The following STX12 variants were observed in gnomAD, a reference collection of about 807,000 sequenced individuals.
The protein encoded by STX12 is syntaxin 12.
STX12 carries 17 observed loss-of-function variants against 42.2 expected under a neutral mutation model. The ratio of observed to expected loss-of-function variants is 0.40; its 90% confidence interval spans 0.28 to 0.60. STX12 has a LOEUF of 0.60. STX12 is among the 20% of genes least tolerant of loss of function. The pLI, the probability that STX12 is intolerant of heterozygous loss-of-function variation, is 0.39. For missense variants in STX12, 297 were observed against 330.9 expected (o/e 0.90, Z 0.79); for synonymous variants, 108 against 116.7 (o/e 0.93, Z 0.48).
At chr1:27,782,427 T>C (rs1389541216) in intron 1 of STX12, among the ~76,000 whole-genome samples, 1 of 152,184 alleles carries the variant, frequency 6.6e-6, no homozygotes, top group Admixed American at 6.5e-5. Flanking sequence ...AGAGCTATGC[T>C]CTTAACCATT....
At chr1:27,780,739 C>G (rs1424958825) in intron 1 of STX12, among the ~76,000 whole-genome samples, 49 of 151,924 alleles carry the variant, frequency 3.2e-4, no homozygotes, top group African/African-American at 1.1e-3. Context: ...ATCTCTTGAG[C>G]TCAGAAATTT....
chr1:27,788,294 G>A (rs774412767), intron 1 of STX12, among the ~76,000 whole-genome samples: 1 of 152,096 alleles, frequency 6.6e-6, no homozygotes. Context: ...ACCCTCCCCA[G>A]TAACCAGAAA....
intron 1 of STX12, among the ~76,000 whole-genome samples, chr1:27,778,900 C>T (rs2088645390): frequency 6.6e-6 from 1 of 152,128 alleles, no homozygotes; most frequent in African/African-American, 2.4e-5. Flanking sequence ...GCTAGGACTA[C>T]AGGCATATGC....
intron 1 of STX12, among the ~76,000 whole-genome samples, chr1:27,774,463 G>C (rs1055872754): frequency 6.6e-6 from 1 of 152,140 alleles, no homozygotes; most frequent in Non-Finnish European, 1.5e-5. Flanking sequence ...AGTTAGTCCT[G>C]AATTACAATT....
intron 2 of STX12, among the ~76,000 whole-genome samples, chr1:27,793,159 C>T (rs1318021720): frequency 6.6e-6 from 1 of 152,250 alleles, no homozygotes; most frequent in East Asian, 1.9e-4. Flanking sequence ...CTGTGGCAGT[C>T]AACTCCTGGA....
intron 1 of STX12, among the ~76,000 whole-genome samples, chr1:27,788,871 G>T (rs1233516495): frequency 6.6e-6 from 1 of 152,106 alleles, no homozygotes; most frequent in African/African-American, 2.4e-5. Flanking sequence ...AATTAATCGG[G>T]CGTGGTGGCA....
At chr1:27,795,302 A>G (rs994262626) in intron 3 of STX12, among the ~76,000 whole-genome samples, 10 of 151,554 alleles carry the variant, frequency 6.6e-5, no homozygotes, top group Non-Finnish European at 1.3e-4. Context: ...CATGATGTCA[A>G]ATTCTTTTTT....
At position 27,823,243 on chromosome 1, in the gene STX12, A is replaced by G. The variant is rs573558734; in HGVS notation, c.*914A>G. 5.9e-5 allele frequency: 9 copies of G among 152,366 alleles called. No individual in the cohort carries two copies. The highest frequency in any genetic ancestry group is 2.2e-4 in the African/African-American group (9 of 41,568). The allele number at this position is 152,366 out of a possible 1,614,324, so 9.4% of individuals were successfully genotyped here. ...CTGTCAAAGGGCTGCCCCCTACCTTATAAGGGTTGCTGGGCATTTGAAGGC... is the reference window on the plus strand; with the variant it reads ...CTGTCAAAGGGCTGCCCCCTACCTTGTAAGGGTTGCTGGGCATTTGAAGGC... On this transcript the variant is annotated 3_prime_UTR_variant, in exon 9 of 9. Transcript: ENST00000373943.
chr1:27,775,141 A>G (rs1050571157), intron 1 of STX12, among the ~76,000 whole-genome samples: 1 of 152,234 alleles, frequency 6.6e-6, no homozygotes, highest in Non-Finnish European at 1.5e-5. Flanking sequence ...TTGAAGCTAA[A>G]TCTAATTTTA....
At chr1:27,783,884 A>G (rs542778650) in intron 1 of STX12, among the ~76,000 whole-genome samples, 2 of 152,294 alleles carry the variant, frequency 1.3e-5, no homozygotes, top group South Asian at 4.1e-4. Flanking sequence ...AATATTTCCA[A>G]AAAGCATCAC....
In STX12 at chr1:27,822,915, C is replaced by G. The variant is rs1375497528; in HGVS notation, c.*586C>G. Reference sequence around the variant, plus strand: ...ATGAGAAGTCTCTATCTGAGCTGGTCAGTTACTGGAGTACATGTTACTAAT... The same window carrying G: ...ATGAGAAGTCTCTATCTGAGCTGGTGAGTTACTGGAGTACATGTTACTAAT... On this transcript the variant is annotated 3_prime_UTR_variant, in exon 9 of 9. Transcript: ENST00000373943. The G allele has an allele frequency of 6.6e-6, 1 of 152,354 alleles. No homozygotes were observed. Among genetic ancestry groups the G allele is most frequent in the Non-Finnish European group, 1.5e-5 (1 of 68,178 alleles). 9.4% of individuals were successfully genotyped at this position (152,354 alleles called of 1,614,324 possible).
Position 27,819,651 on chromosome 1 carries a change from T to C in STX12, c.651T>C (p.Asp217=). The part of the protein sequence containing the change: ...MMIHDQGDLI[D]SIEANVESSE... The stretch of plus-strand genomic sequence containing the variant: ...CATCCTCTGTCCTTCCTTTTGCAGA[T>C]AGCATAGAAGCCAATGTGGAAAGCT... Residue 217 remains aspartate (D), a splice_region_variant and synonymous_variant, in exon 8 of 9, where the codon GAT becomes GAC. Transcript: ENST00000373943. 6.2e-7 allele frequency: 1 copy of C among 1,613,508 alleles called. No individual in the cohort carries two copies. Among genetic ancestry groups the C allele is most frequent in the East Asian group, 2.2e-5 (1 of 44,878 alleles).
rs1382954735 is a variant in STX12, at chr1:27,773,349, C to T, written c.42C>T (p.Pro14=). The T allele has an allele frequency of 1.2e-6, 2 of 1,612,798 alleles. No homozygotes were observed. The highest frequency in any genetic ancestry group is 2.2e-5 in the South Asian group (2 of 90,992). ...TAGACATGTACCGGAACCCGGGGCC[C>T]TCGGGGCCCCAGCTCCGGGACTTCA... ...GPLDMYRNPG[P]SGPQLRDFSS... is the part of the protein sequence containing the mutation. Residue 14 remains proline, a synonymous_variant, in exon 1 of 9, where the codon CCC becomes CCT. Coordinates refer to ENST00000373943, the MANE Select transcript of STX12 (RefSeq NM_177424.3).
chr1:27,798,775 C>T lies in STX12; in HGVS notation c.289-2903C>T, dbSNP rs1336054241. The stretch of plus-strand genomic sequence containing the variant: ...CAGACTGGACGACAGAGCGAGACTC[C>T]GTCTCAAAAAAAAAAAAAAAAAAAA... On this transcript the variant is annotated intron_variant, in intron 3 of 8. Transcript: ENST00000373943. Among the ~76,000 whole-genome samples the T allele has an allele frequency of 1.0e-4, 14 of 135,170 alleles. No homozygotes were observed. In the Middle Eastern group the frequency reaches 0.013, roughly 122 times the overall value. 88.7% of individuals were successfully genotyped at this position (135,170 alleles called of 152,430 possible).
chr1:27,792,154 GTATC>G (rs1215124264), intron 2 of STX12, among the ~76,000 whole-genome samples: 2 of 98,056 alleles, frequency 2.0e-5, no homozygotes, highest in Non-Finnish European at 3.3e-5. Context: ...CTATATATGT[GTATC>G]TATATATGTA....
chr1:27,816,703 T>C (rs1459520543), intron 6 of STX12, among the ~76,000 whole-genome samples: 2 of 149,944 alleles, frequency 1.3e-5, no homozygotes, highest in Non-Finnish European at 3.0e-5. Flanking sequence ...TGGATCACGA[T>C]GTCAGGAGTT....
At chr1:27,805,375 T>A (rs1221038915) in intron 4 of STX12, among the ~76,000 whole-genome samples, 1 of 152,208 alleles carries the variant, frequency 6.6e-6, no homozygotes, top group Non-Finnish European at 1.5e-5. Context: ...AGATTTTTCA[T>A]TTTAAAAAAT....
intron 8 of STX12, among the ~76,000 whole-genome samples, chr1:27,820,853 G>A (rs1454066562): frequency 1.3e-5 from 2 of 152,138 alleles, no homozygotes; most frequent in Admixed American, 6.5e-5. Context: ...CATAAAAAAC[G>A]ATGAGTTCGT....
chr1:27,821,180 AAAG>A lies in STX12; in HGVS notation c.733-1045_733-1043del, dbSNP rs571941052. 3.2e-3 allele frequency among the ~76,000 whole-genome samples: 485 copies of A among 152,148 alleles called. 2 individuals are homozygous for A. The highest frequency in any genetic ancestry group is 0.011 in the African/African-American group (437 of 41,482). ...CTTAACGTATAATTAAAAAAAAAAA[AAAG>A]AAGAAATAGCATTTCAGTTGTTTTC... On this transcript the variant is annotated intron_variant, in intron 8 of 8. Transcript: ENST00000373943.
Sources: allele counts gnomAD v4.1 joint callset (sites outside exome capture counted in the v4.1 genomes callset), GRCh38; gene constraint gnomAD v4.1.1; transcripts MANE v1.5; gene names NCBI Gene and HGNC (gene_info 2026-07-23, HGNC 2026-07-21).